The following ZNF704 variants were observed in gnomAD, a reference collection of about 807,000 sequenced individuals.
ZNF704 encodes glucocorticoid induced gene 1.
Under a neutral mutation model 44.7 loss-of-function variants are expected in ZNF704, and 10 were observed. The observed-to-expected ratio is 0.22, with a 90% CI of 0.14 to 0.38. ZNF704 has a LOEUF of 0.38. ZNF704 is among the 10% of genes least tolerant of loss of function. ZNF704 has a pLI of 1.00. For missense variants in ZNF704, 390 were observed against 545.5 expected (o/e 0.71, Z 2.84); for synonymous variants, 211 against 207.6 (o/e 1.02, Z -0.14).
At chr8:80,683,133 G>A (rs930083563) in intron 4 of ZNF704, among the ~76,000 whole-genome samples, 1 of 152,156 alleles carries the variant, frequency 6.6e-6, no homozygotes, top group Non-Finnish European at 1.5e-5. Context: ...TGGTCATGAC[G>A]GAAATTGCAC....
intron 1 of ZNF704, among the ~76,000 whole-genome samples, chr8:80,859,472 G>A (rs1809022606): frequency 6.6e-6 from 1 of 152,116 alleles, no homozygotes; most frequent in Non-Finnish European, 1.5e-5. Context: ...CTCCCCTGGG[G>A]TTCACTCCCA....
intron 1 of ZNF704, among the ~76,000 whole-genome samples, chr8:80,848,848 T>TAAG: frequency 6.6e-6 from 1 of 152,252 alleles, no homozygotes. Context: ...TACCCCCTTT[T>TAAG]ACAGGTAAAT....
intron 5 of ZNF704, among the ~76,000 whole-genome samples, chr8:80,665,826 A>AT (rs922318117): frequency 6.6e-6 from 1 of 150,470 alleles, no homozygotes. Context: ...ATTTTATTTT[A>AT]TTTTATTTTT....
At chr8:80,699,550 A>G (rs2131642997) in intron 2 of ZNF704, among the ~76,000 whole-genome samples, 1 of 152,330 alleles carries the variant, frequency 6.6e-6, no homozygotes, top group Middle Eastern at 3.4e-3. Flanking sequence ...TCTGTGGTGA[A>G]GGGTCATTTT....
rs1169379719 is a variant in ZNF704 at position 80,636,868 on chromosome 8, T to G, written c.*4498A>C. ...TCCACAAAAGTCCATGGAAGTTTGTTCGCTAACATGCTATTAAAGCAAAAT... is the reference window on the plus strand; with the variant it reads ...TCCACAAAAGTCCATGGAAGTTTGTGCGCTAACATGCTATTAAAGCAAAAT... On this transcript the variant is annotated 3_prime_UTR_variant, in exon 9 of 9. Transcript: ENST00000327835. The G allele has an allele frequency of 6.6e-6, 1 of 152,224 alleles. No individual in the cohort carries two copies. The highest frequency in any genetic ancestry group is 1.5e-5 in the Non-Finnish European group (1 of 68,034). The allele number at this position is 152,224 out of a possible 1,614,324, so 9.4% of individuals were successfully genotyped here.
intron 7 of ZNF704, among the ~76,000 whole-genome samples, chr8:80,645,442 G>A (rs1337177478): frequency 1.3e-5 from 2 of 152,076 alleles, no homozygotes; most frequent in Non-Finnish European, 2.9e-5. Flanking sequence ...GACACAGTTC[G>A]GATGTGTGTC....
intron 2 of ZNF704, among the ~76,000 whole-genome samples, chr8:80,706,670 G>A (rs1254361596): frequency 1.3e-5 from 2 of 152,240 alleles, no homozygotes; most frequent in Non-Finnish European, 1.5e-5. Context: ...TGCCCTTCAG[G>A]AGCAGCTGCT....
At chr8:80,835,204 C>G (rs1319133055) in intron 1 of ZNF704, among the ~76,000 whole-genome samples, 1 of 152,096 alleles carries the variant, frequency 6.6e-6, no homozygotes, top group Non-Finnish European at 1.5e-5. Flanking sequence ...TCTGAAAAGG[C>G]TTGGATAGAA....
At chr8:80,811,044 T>C (rs376006305) in intron 2 of ZNF704, among the ~76,000 whole-genome samples, 13 of 152,328 alleles carry the variant, frequency 8.5e-5, no homozygotes, top group African/African-American at 7.2e-5. Context: ...GCCTTTGGGA[T>C]AAATGAGATG....
At chr8:80,642,268 CTTTCTTTGT>C in intron 8 of ZNF704, among the ~76,000 whole-genome samples, 1 of 151,738 alleles carries the variant, frequency 6.6e-6, no homozygotes, top group East Asian at 1.9e-4. Context: ...AAATTTTTTT[CTTTCTTTGT>C]TAAGTTGAAA....
chr8:80,789,915 A>G (rs1807675646), intron 2 of ZNF704, among the ~76,000 whole-genome samples: 1 of 152,212 alleles, frequency 6.6e-6, no homozygotes, highest in Non-Finnish European at 1.5e-5. Context: ...TCAAGAAGAA[A>G]TAGTCAGAGA....
intron 2 of ZNF704, among the ~76,000 whole-genome samples, chr8:80,719,015 A>C (rs2131667805): frequency 6.6e-6 from 1 of 151,674 alleles, no homozygotes; most frequent in Admixed American, 6.6e-5. Context: ...TCCAGGCTGG[A>C]GTGCAGTGGC....
intron 2 of ZNF704, among the ~76,000 whole-genome samples, chr8:80,798,814 C>A (rs1807850709): frequency 6.6e-6 from 1 of 152,160 alleles, no homozygotes; most frequent in African/African-American, 2.4e-5. Context: ...TTGCTTAAAA[C>A]AGAATACCTG....
intron 2 of ZNF704, among the ~76,000 whole-genome samples, chr8:80,737,707 A>G (rs924570159): frequency 6.6e-6 from 1 of 152,146 alleles, no homozygotes; most frequent in Admixed American, 6.5e-5. Context: ...ATTTTTCTGG[A>G]CTTATGATAG....
intron 2 of ZNF704, among the ~76,000 whole-genome samples, chr8:80,796,744 C>T (rs1384192815): frequency 6.6e-6 from 1 of 151,820 alleles, no homozygotes; most frequent in Non-Finnish European, 1.5e-5. Flanking sequence ...GCTTGTAATC[C>T]CAGCACACTG....
At chr8:80,757,851 T>C (rs948151969) in intron 2 of ZNF704, among the ~76,000 whole-genome samples, 1 of 152,220 alleles carries the variant, frequency 6.6e-6, no homozygotes, top group Admixed American at 6.5e-5. Flanking sequence ...CTAGACCATA[T>C]AGCCTAGGTG....
intron 6 of ZNF704, among the ~76,000 whole-genome samples, chr8:80,660,542 A>G (rs1277467859): frequency 6.6e-6 from 1 of 152,136 alleles, no homozygotes; most frequent in African/African-American, 2.4e-5. Flanking sequence ...AAATCATGAT[A>G]TACCTACAGA....
intron 1 of ZNF704, among the ~76,000 whole-genome samples, chr8:80,832,952 T>G (rs1167594279): frequency 1.3e-5 from 2 of 152,210 alleles, no homozygotes; most frequent in African/African-American, 4.8e-5. Context: ...TCAACCACTG[T>G]GTGGAGTGCA....
chr8:80,645,327 A>T (rs1817812662), intron 7 of ZNF704, among the ~76,000 whole-genome samples: 1 of 152,242 alleles, frequency 6.6e-6, no homozygotes, highest in African/African-American at 2.4e-5. Context: ...TAGCATTGTC[A>T]CTTAAAAGTC....
Sources: gnomAD v4.1 joint callset for allele counts (sites outside exome capture counted in the v4.1 genomes callset) on GRCh38, gnomAD v4.1.1 for gene constraint, MANE v1.5 for transcripts, NCBI Gene and HGNC (gene_info 2026-07-23, HGNC 2026-07-21) for gene names.